The following LHPP variants were observed in gnomAD, a reference collection of about 807,000 sequenced individuals.
The protein encoded by LHPP is hLHPP.
A neutral mutation model predicts 30.3 loss-of-function variants in LHPP; 24 were observed. The observed-to-expected ratio is 0.79, with a 90% CI of 0.57 to 1.11. The LOEUF is 1.11. Among genes scored for constraint, LHPP ranks in the 50% most tolerant of loss-of-function variants. The pLI, the probability that LHPP is intolerant of heterozygous loss-of-function variation, is 0.00. For missense variants in LHPP, 356 were observed against 367.2 expected, an observed-to-expected ratio of 0.97 and a Z score of 0.25; for synonymous variants, 150 against 157.1, an observed-to-expected ratio of 0.95 and a Z score of 0.34.
chr10:124,471,948 T>G (rs1589758182), intron 1 of LHPP, among the ~76,000 whole-genome samples: 1 of 151,276 alleles, frequency 6.6e-6, no homozygotes, highest in Admixed American at 6.6e-5. Flanking sequence ...ATGGAATATG[T>G]TTTCTGTGTT....
At chr10:124,514,793 C>T (rs1954404402) in intron 5 of LHPP, among the ~76,000 whole-genome samples, 1 of 148,070 alleles carries the variant, frequency 6.8e-6, no homozygotes, top group Admixed American at 6.9e-5. Flanking sequence ...TCTCTCATCT[C>T]ACTTTTTTTT....
At chr10:124,584,858 G>C (rs577061493) in intron 6 of LHPP, among the ~76,000 whole-genome samples, 2 of 151,912 alleles carry the variant, frequency 1.3e-5, no homozygotes. Context: ...AACTTTCTGA[G>C]CACTAACATG....
chr10:124,563,476 C>T (rs898021099), intron 6 of LHPP, among the ~76,000 whole-genome samples: 1 of 151,986 alleles, frequency 6.6e-6, no homozygotes, highest in Non-Finnish European at 1.5e-5. Flanking sequence ...AAAATTCTAT[C>T]ATGCAAAACA....
At chr10:124,529,813 G>GCA (rs3083540) in intron 6 of LHPP, among the ~76,000 whole-genome samples, 79,678 of 146,714 alleles carry the variant, frequency 0.54, 21,663 homozygotes, top group South Asian at 0.67. Flanking sequence ...ACACACACAC[G>GCA]CACACACACA....
intron 3 of LHPP, among the ~76,000 whole-genome samples, chr10:124,491,662 C>T (rs1037566633): frequency 9.2e-5 from 14 of 152,206 alleles, no homozygotes; most frequent in Admixed American, 3.3e-4. Flanking sequence ...CAGTGGCTCA[C>T]GCCGGTAATC....
Position 124,484,209 on chromosome 10 carries a change from G to C in LHPP, c.196G>C (p.Gly66Arg). 6.2e-7 allele frequency: 1 copy of C among 1,614,112 alleles called. No individual in the cohort carries two copies. The highest frequency in any genetic ancestry group is 8.5e-7 in the Non-Finnish European group (1 of 1,180,016). The change falls in exon 2 of 7, where the codon GGG becomes CGG. Residue 66 changes from glycine to arginine, a missense_variant. Physicochemically the swap from Gly to Arg is moderately radical, Grantham distance 125 (BLOSUM62 -2). Transcript: ENST00000368842. ...GCAGAAGTCCCGGGCAGAGCTGGTG[G>C]GGCAGCTTCAGAGGCTGGGATTTGA... ...ESQKSRAELVGQLQRLGFDIS... is the reference protein window; with the variant it reads ...ESQKSRAELVRQLQRLGFDIS...
At chr10:124,475,212 G>A (rs1952905465) in intron 1 of LHPP, among the ~76,000 whole-genome samples, 1 of 151,520 alleles carries the variant, frequency 6.6e-6, no homozygotes, top group Non-Finnish European at 1.5e-5. Context: ...AAATAGAGAT[G>A]GGGTTTCACT....
chr10:124,504,256 G>A (rs960160336), intron 5 of LHPP, among the ~76,000 whole-genome samples: 9 of 149,342 alleles, frequency 6.0e-5, no homozygotes, highest in African/African-American at 1.7e-4. Flanking sequence ...CCCTTCCCCC[G>A]ACCCAAAACC....
chr10:124,485,386 A>G (rs1953292988), intron 2 of LHPP, among the ~76,000 whole-genome samples: 2 of 152,128 alleles, frequency 1.3e-5, no homozygotes, highest in Admixed American at 1.3e-4. Context: ...GGCCTTGGCC[A>G]GTGAATCAGA....
Position 124,484,232 on chromosome 10 carries a change from T to G in LHPP, c.219T>G (p.Phe73Leu), listed in dbSNP as rs568413793. Reference sequence around the variant, plus strand: ...TGGGGCAGCTTCAGAGGCTGGGATTTGACATCTCTGAGCAGGAGGTGACCG... The same window carrying G: ...TGGGGCAGCTTCAGAGGCTGGGATTGGACATCTCTGAGCAGGAGGTGACCG... The part of the protein sequence containing the change: ...ELVGQLQRLG[F>L]DISEQEVTAP... Residue 73 changes from phenylalanine (F) to leucine (L), a missense_variant, in exon 2 of 7, where the codon TTT becomes TTG. Coordinates refer to ENST00000368842, the MANE Select transcript of LHPP (RefSeq NM_022126.4). 2.5e-6 allele frequency: 4 copies of G among 1,614,088 alleles called. No individual in the cohort carries two copies. The African/African-American group carries it at 5.3e-5, about 22-fold the overall frequency.
Position 124,572,969 on chromosome 10 carries a change from G to A in LHPP, c.717-40295G>A, listed in dbSNP as rs532821433. Among the ~76,000 whole-genome samples, 38 of 152,306 alleles carry A rather than the reference G, an allele frequency of 2.5e-4. No individual in the cohort carries two copies. In the East Asian group the frequency reaches 5.6e-3, roughly 22 times the overall value. Reference sequence around the variant, plus strand: ...TCAATGGCGACACCCACGCACTCAGGGCATGTATCAGTGTGCATGGAGTTG... The same window carrying A: ...TCAATGGCGACACCCACGCACTCAGAGCATGTATCAGTGTGCATGGAGTTG... On this transcript the variant is annotated intron_variant, in intron 6 of 6. Transcript: ENST00000368842.
At chr10:124,597,457 G>A (rs577552732) in intron 6 of LHPP, among the ~76,000 whole-genome samples, 2 of 152,198 alleles carry the variant, frequency 1.3e-5, no homozygotes, top group South Asian at 2.1e-4. Flanking sequence ...GCCACCTGTC[G>A]AAGAGATCCC....
chr10:124,593,282 A>G lies in LHPP; in HGVS notation c.717-19982A>G, dbSNP rs1179786115. On this transcript the variant is annotated intron_variant, in intron 6 of 6. Transcript: ENST00000368842. The surrounding 1 kb of genome is among the most constrained non-coding windows in gnomAD (Gnocchi z 4.9). Reference sequence around the variant, plus strand: ...GCAGCCCGTGGGTGGCAGGGCGGTAACCCCATCTGCCCAGAACCAGGCTGC... The same window carrying G: ...GCAGCCCGTGGGTGGCAGGGCGGTAGCCCCATCTGCCCAGAACCAGGCTGC... 1.3e-5 allele frequency among the ~76,000 whole-genome samples: 2 copies of G among 151,886 alleles called. No homozygotes were observed. Among genetic ancestry groups the G allele is most frequent in the Non-Finnish European group, 2.9e-5 (2 of 67,954 alleles).
At chr10:124,500,186 T>G (rs1217312964) in intron 5 of LHPP, among the ~76,000 whole-genome samples, 1 of 151,782 alleles carries the variant, frequency 6.6e-6, no homozygotes, top group Admixed American at 6.6e-5. Context: ...TTTAAAAAAT[T>G]TACTGGCTGG....
At chr10:124,589,845 CCTCCAGCCCCGCT>C (rs909888852) in intron 6 of LHPP, among the ~76,000 whole-genome samples, 1 of 152,224 alleles carries the variant, frequency 6.6e-6, no homozygotes, top group Non-Finnish European at 1.5e-5. Context: ...GCAGCCCCGT[CCTCCAGCCCCGCT>C]CGGCTCTGAA....
intron 6 of LHPP, among the ~76,000 whole-genome samples, chr10:124,577,865 T>G (rs1162881009): frequency 1.3e-5 from 2 of 152,244 alleles, no homozygotes; most frequent in South Asian, 2.1e-4. Context: ...CAGCTCCTTG[T>G]GTGACCTCTC....
chr10:124,584,973 A>G (rs1948785792), intron 6 of LHPP, among the ~76,000 whole-genome samples: 1 of 152,204 alleles, frequency 6.6e-6, no homozygotes, highest in South Asian at 2.1e-4. Context: ...ATTTTGTATA[A>G]TTACCCTCAG....
At chr10:124,505,095 A>G (rs1564795452) in intron 5 of LHPP, among the ~76,000 whole-genome samples, 1 of 152,006 alleles carries the variant, frequency 6.6e-6, no homozygotes, top group Admixed American at 6.6e-5. Context: ...CTACCCTCAT[A>G]TGACATTTCT....
intron 1 of LHPP, among the ~76,000 whole-genome samples, chr10:124,467,956 C>T (rs957694061): frequency 1.6e-4 from 24 of 152,220 alleles, no homozygotes; most frequent in Middle Eastern, 3.4e-3. Flanking sequence ...GTGATCCACT[C>T]GCCTGGGCCT....
Sources: allele counts gnomAD v4.1 joint callset (sites outside exome capture counted in the v4.1 genomes callset), GRCh38; gene constraint gnomAD v4.1.1; non-coding constraint Gnocchi (gnomAD v3.1); transcripts MANE v1.5; gene names NCBI Gene and HGNC (gene_info 2026-07-23, HGNC 2026-07-21).